SNU13: variants seen among roughly 807,000 people sequenced by gnomAD.
SNU13 encodes NHP2-like protein 1.
In SNU13, 2 loss-of-function variants were observed where a neutral mutation model predicts 12.4. The ratio of observed to expected loss-of-function variants is 0.16; its 90% CI spans 0.07 to 0.51. The LOEUF is 0.51. Among genes scored for constraint, SNU13 ranks in the 20% least tolerant of loss-of-function variants. The probability of loss-of-function intolerance (pLI) is 0.96; values close to 1 mark genes in which losing one functional copy is unlikely to be tolerated. For synonymous variants in SNU13, 68 were observed against 66.5 expected, an observed-to-expected ratio of 1.02 and a Z score of -0.11; for missense variants, 66 against 157.8, an observed-to-expected ratio of 0.42 and a Z score of 3.12.
At chr22:41,685,154 CAAAA>C (rs71184830) in intron 1 of SNU13, among the ~76,000 whole-genome samples, 1 of 118,008 alleles carries the variant, frequency 8.5e-6, no homozygotes, top group Admixed American at 9.3e-5. Flanking sequence ...AACTCCATCT[CAAAA>C]AAAAAAAAAA....
At position 41,674,010 on chromosome 22, in the gene SNU13, C is replaced by CA. The variant is rs1258950265; in HGVS notation, c.*922dup. 1 of 152,208 alleles carries CA rather than the reference C, an allele frequency of 6.6e-6. No individual in the cohort carries two copies. Among genetic ancestry groups the CA allele is most frequent in the Non-Finnish European group, 1.5e-5 (1 of 68,028 alleles). 9.4% of individuals were successfully genotyped at this position (152,208 alleles called of 1,614,324 possible). A position where few individuals can be genotyped will look rare whatever the true frequency, so the allele number is the denominator to read the frequency against. ...ATGAACTAGCACTCTCCTCATGTGA[C>CA]AGAGAGTACATCTGACCCACATGGT... On this transcript the variant is annotated 3_prime_UTR_variant, in exon 3 of 3. Transcript: ENST00000401959.
intron 2 of SNU13, among the ~76,000 whole-genome samples, chr22:41,678,059 T>A (rs2068229412): frequency 2.0e-5 from 3 of 151,406 alleles, no homozygotes; most frequent in Admixed American, 2.0e-4. Flanking sequence ...CACTGCAAGC[T>A]CCGCCTCCCG....
intron 1 of SNU13, among the ~76,000 whole-genome samples, chr22:41,683,927 G>C (rs2068288039): frequency 6.6e-6 from 1 of 151,950 alleles, no homozygotes; most frequent in Admixed American, 6.6e-5. Flanking sequence ...TTTTGAGATG[G>C]AGTTTTGCTC....
chr22:41,682,776 G>C (rs2068276766), intron 1 of SNU13, among the ~76,000 whole-genome samples: 1 of 152,098 alleles, frequency 6.6e-6, no homozygotes, highest in African/African-American at 2.4e-5. Flanking sequence ...AGCCTCCTGA[G>C]TACCTAGGAT....
chr22:41,689,486 A>G (rs2413651), upstream of SNU13, among the ~76,000 whole-genome samples: 150,572 of 151,170 alleles, frequency 1, 74,991 homozygotes, highest in South Asian at 1. Context: ...TGGCTAACAC[A>G]GTGAACCGTC....
chr22:41,681,440 G>A (rs527488742), intron 1 of SNU13: 5 of 152,286 alleles, frequency 3.3e-5, no homozygotes, highest in African/African-American at 1.2e-4. Context: ...GCAAGTGATA[G>A]CAACTCAATA....
At chr22:41,683,726 T>G (rs1012341427) in intron 1 of SNU13, among the ~76,000 whole-genome samples, 4 of 152,152 alleles carry the variant, frequency 2.6e-5, no homozygotes, top group Non-Finnish European at 5.9e-5. Flanking sequence ...TGACCCTATA[T>G]AGGGTTTAAC....
chr22:41,680,168 TG>T, intron 2 of SNU13, 75 bp downstream of exon 2: 1 of 1,486,774 alleles, frequency 6.7e-7, no homozygotes. Context: ...CCTCCCAAAC[TG>T]GAAATCAGAT....
Position 41,681,919 on chromosome 22 carries a change from A to T in SNU13, c.4-1555T>A, listed in dbSNP as rs149117265. ...ACCCATGTAGGGAGCATATTGGGTG[A>T]GTGGCCTGCCTATTCCGCTCCTTCC... On this transcript the variant is annotated intron_variant, in intron 1 of 2. Coordinates refer to ENST00000401959, the MANE Select transcript of SNU13 (RefSeq NM_001003796.2). Among the ~76,000 whole-genome samples, 48 of 152,316 alleles carry T rather than the reference A, an allele frequency of 3.2e-4. 1 individual carries two copies. Among genetic ancestry groups the T allele is most frequent in the East Asian group, 1.7e-3 (9 of 5,190 alleles).
intron 2 of SNU13, chr22:41,679,744 GAAC>G (rs2068246383): frequency 6.6e-6 from 1 of 150,626 alleles, no homozygotes; most frequent in Non-Finnish European, 1.5e-5. Flanking sequence ...ACTAAAATTG[GAAC>G]AATACAGAGA....
upstream of SNU13, among the ~76,000 whole-genome samples, chr22:41,690,061 T>C (rs183990360): frequency 1.2e-4 from 18 of 152,180 alleles, no homozygotes; most frequent in Admixed American, 7.8e-4. Context: ...CCTGCTCAGA[T>C]ATTTAATATT....
chr22:41,685,987 AT>A (rs1452334904), intron 1 of SNU13, among the ~76,000 whole-genome samples: 14 of 131,246 alleles, frequency 1.1e-4, no homozygotes, highest in African/African-American at 3.4e-4. Flanking sequence ...AAAAAAAAAA[AT>A]TTGTAGAGAC....
At position 41,674,873 on chromosome 22, in the gene SNU13, A is replaced by G; in HGVS notation, c.*60T>C. On this transcript the variant is annotated 3_prime_UTR_variant, in exon 3 of 3. Coordinates refer to ENST00000401959, the MANE Select transcript of SNU13 (RefSeq NM_001003796.2). Reference sequence around the variant, plus strand: ...GAAAATACTACATGCTAACACAGATAATATGATACACAACCTCAGGGGGGA... The same window carrying G: ...GAAAATACTACATGCTAACACAGATGATATGATACACAACCTCAGGGGGGA... 2.5e-6 allele frequency: 4 copies of G among 1,581,412 alleles called. No homozygotes were observed. Among genetic ancestry groups the G allele is most frequent in the Non-Finnish European group, 2.6e-6 (3 of 1,159,586 alleles).
At chr22:41,689,020 G>T, upstream of SNU13, 1 of 1,316,142 alleles carries the variant, frequency 7.6e-7, no homozygotes, top group Non-Finnish European at 9.8e-7. Context: ...GTTCTTATGA[G>T]CTGCCTAGTA....
At chr22:41,689,145 T>A (rs907687928), upstream of SNU13, 5 of 1,010,058 alleles carry the variant, frequency 5.0e-6, no homozygotes, top group African/African-American at 8.6e-5. Flanking sequence ...GCGCATCACC[T>A]GAGGACAGGA....
intron 1 of SNU13, among the ~76,000 whole-genome samples, chr22:41,684,312 TC>T (rs1053850211): frequency 6.6e-6 from 1 of 152,246 alleles, no homozygotes; most frequent in African/African-American, 2.4e-5. Context: ...ACTTTCTATT[TC>T]AGCAATTTCT....
chr22:41,681,936 G>A (rs2068267040), intron 1 of SNU13, among the ~76,000 whole-genome samples: 2 of 151,854 alleles, frequency 1.3e-5, no homozygotes, highest in Non-Finnish European at 1.5e-5. Flanking sequence ...TGCCTATTCC[G>A]CTCCTTCCAT....
In SNU13 at chr22:41,681,192, T is replaced by C. The variant is rs963694137; in HGVS notation, c.4-828A>G. On this transcript the variant is annotated intron_variant, in intron 1 of 2. Transcript: ENST00000401959. The stretch of plus-strand genomic sequence containing the variant: ...ACACACAAAATGGTTCCAAAATTGC[T>C]ACACCAATATACCACCTCTACCAAC... 3.3e-5 allele frequency: 5 copies of C among 152,230 alleles called. No homozygotes were observed. The East Asian group carries it at 9.6e-4, about 29-fold the overall frequency. 9.4% of individuals were successfully genotyped at this position (152,230 alleles called of 1,614,324 possible). A position where few individuals can be genotyped will look rare whatever the true frequency, so the allele number is the denominator to read the frequency against.
intron 1 of SNU13, among the ~76,000 whole-genome samples, chr22:41,680,814 C>A (rs892399163): frequency 6.6e-6 from 1 of 152,170 alleles, no homozygotes; most frequent in African/African-American, 2.4e-5. Context: ...TGTGCCTCAG[C>A]CTCCCAAGTA....
Sources: gnomAD v4.1 joint callset for allele counts (sites outside exome capture counted in the v4.1 genomes callset) on GRCh38, gnomAD v4.1.1 for gene constraint, MANE v1.5 for transcripts, NCBI Gene and HGNC (gene_info 2026-07-23, HGNC 2026-07-21) for gene names.